The following TBCD variants were observed in gnomAD, a reference collection of about 807,000 sequenced individuals.
The protein encoded by TBCD is tubulin-specific chaperone D.
A neutral mutation model predicts 169.3 loss-of-function variants in TBCD; 105 were observed. The ratio of observed to expected loss-of-function variants is 0.62; its 90% CI spans 0.53 to 0.73. TBCD has a LOEUF of 0.73. TBCD is among the 30% of genes least tolerant of loss of function. The pLI is 0.00. For synonymous variants in TBCD, 700 were observed against 643.9 expected, an observed-to-expected ratio of 1.09 and a Z score of -1.32; for missense variants, 1,444 against 1,600.1, an observed-to-expected ratio of 0.90 and a Z score of 1.66.
chr17:82,931,718 CTGTG>C (rs1382988630), intron 33 of TBCD, among the ~76,000 whole-genome samples: 2 of 152,220 alleles, frequency 1.3e-5, no homozygotes, highest in Non-Finnish European at 2.9e-5. Flanking sequence ...CCCAGCTCTC[CTGTG>C]TGTTAGTCGG....
intron 13 of TBCD, among the ~76,000 whole-genome samples, chr17:82,828,053 CCA>C (rs1436637313): frequency 1.3e-5 from 2 of 148,392 alleles, no homozygotes; most frequent in African/African-American, 5.0e-5. Context: ...ATGCATACAC[CCA>C]CAGATACGCA....
In TBCD at chr17:82,887,168, T is replaced by TGTGTGCGCGC; in HGVS notation, c.1534-2499_1534-2498insTGTGCGCGCG. Among the ~76,000 whole-genome samples, 47 of 126,190 alleles carry TGTGTGCGCGC rather than the reference T, an allele frequency of 3.7e-4. No individual in the cohort carries two copies. In the South Asian group the frequency reaches 8.5e-3, roughly 23 times the overall value. 82.8% of individuals were successfully genotyped at this position (126,190 alleles called of 152,430 possible). ...GTGTGTGTGTGTGTGTGTGTGTGTG[T>TGTGTGCGCGC]GCGCGCGCGCGCACGTGCGCTCACG... is the stretch of plus-strand genomic sequence containing the variant. On this transcript the variant is annotated intron_variant, in intron 15 of 38. Coordinates refer to ENST00000355528, the MANE Select transcript of TBCD (RefSeq NM_005993.5).
At chr17:82,860,445 C>T (rs1379829715) in intron 13 of TBCD, 2 of 985,282 alleles carry the variant, frequency 2.0e-6, no homozygotes, top group African/African-American at 3.5e-5. Context: ...GTGGAAGGAA[C>T]CACGGTGGGT....
At chr17:82,909,217 AGTT>A (rs1292902235) in intron 21 of TBCD, 65 bp from the exon 22 acceptor site, 3 of 1,224,608 alleles carry the variant, frequency 2.4e-6, no homozygotes, top group African/African-American at 3.0e-5. Context: ...TGTTTTTGAC[AGTT>A]GTTAACGTAT....
Position 82,832,616 on chromosome 17 carries a change from C to CT in TBCD, c.1318+17682_1318+17683insT. The CT allele has an allele frequency of 1.5e-6, 1 of 686,474 alleles. No individual in the cohort carries two copies. Among genetic ancestry groups the CT allele is most frequent in the Non-Finnish European group, 2.5e-6 (1 of 394,832 alleles). 42.5% of individuals were successfully genotyped at this position (686,474 alleles called of 1,614,324 possible). A position where few individuals can be genotyped will look rare whatever the true frequency, so the allele number is the denominator to read the frequency against. The stretch of plus-strand genomic sequence containing the variant: ...CGTGCTGAGGGTCTGGCGAGAGCCT[C>CT]CGTCATCTGGCGGCTGGGAGCTGTA... On this transcript the variant is annotated intron_variant, in intron 13 of 38. Coordinates refer to ENST00000355528, the MANE Select transcript of TBCD (RefSeq NM_005993.5). This position sits in a 1 kb window ranked among gnomAD's most constrained non-coding sequence, Gnocchi z 4.9.
chr17:82,903,553 G>C lies in TBCD; in HGVS notation c.1804+75G>C, dbSNP rs565161162. 71 of 1,417,262 alleles carry C rather than the reference G, an allele frequency of 5.0e-5. No individual in the cohort carries two copies. Among genetic ancestry groups the C allele is most frequent in the Middle Eastern group, 1.8e-4 (1 of 5,538 alleles). 87.8% of individuals were successfully genotyped at this position (1,417,262 alleles called of 1,614,324 possible). ...AAGGCCTGGGTTGCTGGTTTCAAAG[G>C]CTGGGGGCTGAAAATAAGGTTGTGC... On this transcript the variant is annotated intron_variant, in intron 19 of 38. Transcript: ENST00000355528. The surrounding 1 kb of genome is among the most constrained non-coding windows in gnomAD (Gnocchi z 4.8).
At position 82,766,318 on chromosome 17, in the gene TBCD, G is replaced by C. The variant is rs1001105641; in HGVS notation, c.385G>C (p.Val129Leu). The change falls in exon 4 of 39, where the codon GTA (valine) becomes CTA (leucine). Residue 129 changes from valine to leucine, a missense_variant. Coordinates refer to ENST00000355528, the MANE Select transcript of TBCD (RefSeq NM_005993.5). The stretch of plus-strand genomic sequence containing the variant: ...TTTATTTCCTCATGAAGTTGCCGAT[G>C]TAGAGCCTGTTTTAGATTTGGTCAC... ...LRLFPHEVAD[V>L]EPVLDLVTIQ... 1 of 1,613,454 alleles carries C rather than the reference G, an allele frequency of 6.2e-7. No individual in the cohort carries two copies. The highest frequency in any genetic ancestry group is 1.3e-5 in the African/African-American group (1 of 75,034).
chr17:82,786,974 C>G (rs1006040831), intron 7 of TBCD, among the ~76,000 whole-genome samples: 14 of 152,218 alleles, frequency 9.2e-5, no homozygotes, highest in Admixed American at 2.0e-4. Flanking sequence ...CTGCCCCATT[C>G]CCCTCCTAGC....
rs540307132 is a variant in TBCD, at chr17:82,860,788, G to C, written c.1319-9436G>C. Reference sequence around the variant, plus strand: ...CGCCCGTGTCCGGGCTGTGTAAGAAGCATGTCCATTTGTCCCGAGCGGAGG... The same window carrying C: ...CGCCCGTGTCCGGGCTGTGTAAGAACCATGTCCATTTGTCCCGAGCGGAGG... On this transcript the variant is annotated intron_variant, in intron 13 of 38. Transcript: ENST00000355528. Among the ~76,000 whole-genome samples, 82 of 152,338 alleles carry C rather than the reference G, an allele frequency of 5.4e-4. 1 individual carries two copies. The highest frequency in any genetic ancestry group is 3.4e-3 in the Middle Eastern group (1 of 294).
At chr17:82,909,059 CTG>C (rs1180921878) in intron 21 of TBCD, among the ~76,000 whole-genome samples, 1 of 152,236 alleles carries the variant, frequency 6.6e-6, no homozygotes, top group Non-Finnish European at 1.5e-5. Context: ...CTCCCTCTCT[CTG>C]TGCCTCAGTT....
intron 13 of TBCD, among the ~76,000 whole-genome samples, chr17:82,851,076 T>A (rs758369204): frequency 6.6e-6 from 1 of 152,142 alleles, no homozygotes; most frequent in Admixed American, 6.5e-5. Context: ...TTCACAGATA[T>A]TACACAGCCA....
At chr17:82,800,128 CCT>C (rs1355443666) in intron 8 of TBCD, among the ~76,000 whole-genome samples, 2 of 151,934 alleles carry the variant, frequency 1.3e-5, no homozygotes, top group African/African-American at 2.4e-5. Flanking sequence ...TCTCCTGTCC[CCT>C]GTCAGTTGGT....
At chr17:82,858,046 G>A (rs2056464452) in intron 13 of TBCD, among the ~76,000 whole-genome samples, 1 of 151,976 alleles carries the variant, frequency 6.6e-6, no homozygotes, top group Non-Finnish European at 1.5e-5. Context: ...CCAAGTAGCT[G>A]GTGCTACAGG....
chr17:82,758,372 G>A (rs11867468), intron 2 of TBCD, among the ~76,000 whole-genome samples: 9,701 of 34,010 alleles, frequency 0.29, 968 homozygotes, highest in African/African-American at 0.43. Context: ...CAACAAGAAC[G>A]AAAACGTCTC....
chr17:82,923,811 A>C lies in TBCD; in HGVS notation c.2260+78A>C, dbSNP rs1472613713. On this transcript the variant is annotated intron_variant, in intron 26 of 38. Coordinates refer to ENST00000355528, the MANE Select transcript of TBCD (RefSeq NM_005993.5). This position sits in a 1 kb window ranked among gnomAD's most constrained non-coding sequence, Gnocchi z 4.6. ...GCTGGGGAGTGTCTGGGCACGGAGG[A>C]GGCCTCGGTTGTGCAGTGGAGCAGA... The C allele has an allele frequency of 1.6e-6, 2 of 1,266,514 alleles. No homozygotes were observed. Among genetic ancestry groups the C allele is most frequent in the Non-Finnish European group, 2.2e-6 (2 of 907,058 alleles). 78.5% of individuals were successfully genotyped at this position (1,266,514 alleles called of 1,614,324 possible).
chr17:82,779,914 A>G (rs1257494432), intron 6 of TBCD, among the ~76,000 whole-genome samples: 2 of 151,968 alleles, frequency 1.3e-5, no homozygotes, highest in Non-Finnish European at 2.9e-5. Context: ...TGGCCCTCCC[A>G]AGTGTCCCTT....
intron 14 of TBCD, among the ~76,000 whole-genome samples, chr17:82,882,311 GC>G (rs994716887): frequency 2.0e-4 from 30 of 152,334 alleles, no homozygotes; most frequent in African/African-American, 7.0e-4. Flanking sequence ...CCGCTGTCAA[GC>G]CCATTCCCCC....
At chr17:82,921,292 A>G (rs1162494107) in intron 24 of TBCD, 3 of 577,128 alleles carry the variant, frequency 5.2e-6, no homozygotes, top group African/African-American at 1.9e-5. Context: ...ATTTCCCTCA[A>G]TAAGAGCTTA....
At chr17:82,817,644 A>ACAAAATGTATGGGT (rs2052038680) in intron 13 of TBCD, among the ~76,000 whole-genome samples, 1 of 152,096 alleles carries the variant, frequency 6.6e-6, no homozygotes, top group Non-Finnish European at 1.5e-5. Context: ...TGGGGGTCTC[A>ACAAAATGTATGGGT]CTATGTGGCC....
Sources: allele counts gnomAD v4.1 joint callset (sites outside exome capture counted in the v4.1 genomes callset), GRCh38; gene constraint gnomAD v4.1.1; non-coding constraint Gnocchi (gnomAD v3.1); transcripts MANE v1.5; gene names NCBI Gene and HGNC (gene_info 2026-07-23, HGNC 2026-07-21).